Variants in CCDC178 observed in about 807,000 individuals in gnomAD.
CCDC178 encodes the protein coiled-coil domain containing 178.
In CCDC178, 126 loss-of-function variants were observed where a neutral mutation model predicts 117.4. The observed-to-expected ratio is 1.07, with a 90% confidence interval of 0.93 to 1.24. The LOEUF (loss-of-function observed/expected upper bound fraction) is 1.24. Ranked by LOEUF, CCDC178 falls within the 50% of genes most tolerant of loss-of-function variation. The probability of loss-of-function intolerance (pLI) is 0.00; values close to 1 mark genes in which losing one functional copy is unlikely to be tolerated. For missense variants in CCDC178, 1,030 were observed against 986.9 expected (o/e 1.04, Z -0.59); for synonymous variants, 283 against 313.4 (o/e 0.90, Z 1.02).
intron 5 of CCDC178, among the ~76,000 whole-genome samples, chr18:33,384,632 G>T (rs1381490113): frequency 2.0e-5 from 3 of 152,150 alleles, no homozygotes; most frequent in African/African-American, 7.2e-5. Flanking sequence ...AAGTGAAGGA[G>T]AAATAAAATC....
intron 5 of CCDC178, among the ~76,000 whole-genome samples, chr18:33,376,410 G>A (rs2063367265): frequency 6.6e-6 from 1 of 152,050 alleles, no homozygotes; most frequent in African/African-American, 2.4e-5. Context: ...CCTTCCCTCT[G>A]TCCCCAATCT....
chr18:33,067,400 A>C (rs531169728), intron 21 of CCDC178, among the ~76,000 whole-genome samples: 1 of 152,298 alleles, frequency 6.6e-6, no homozygotes, highest in African/African-American at 2.4e-5. Context: ...ATATCGAAAA[A>C]GTAGAAAGAT....
chr18:33,312,394 G>A (rs980343394), intron 11 of CCDC178, among the ~76,000 whole-genome samples: 2 of 152,150 alleles, frequency 1.3e-5, no homozygotes, highest in Admixed American at 6.5e-5. Context: ...AGGGACCTGG[G>A]GGATCTGACA....
intron 21 of CCDC178, among the ~76,000 whole-genome samples, chr18:32,979,031 C>T (rs1366375304): frequency 6.9e-6 from 1 of 145,198 alleles, no homozygotes; most frequent in Non-Finnish European, 1.5e-5. Flanking sequence ...AGTGAGAATC[C>T]GTCTAAAAAA....
chr18:33,244,674 C>T (rs1271052147), intron 15 of CCDC178, among the ~76,000 whole-genome samples: 3 of 151,854 alleles, frequency 2.0e-5, no homozygotes, highest in Non-Finnish European at 4.4e-5. Flanking sequence ...TACTAAGTCT[C>T]AGGTATTTCT....
At chr18:32,974,179 G>T (rs900276741) in intron 22 of CCDC178, among the ~76,000 whole-genome samples, 2 of 152,032 alleles carry the variant, frequency 1.3e-5, no homozygotes, top group Admixed American at 6.6e-5. Flanking sequence ...ACATAAGAGG[G>T]TTATTTTCAC....
intron 15 of CCDC178, among the ~76,000 whole-genome samples, chr18:33,232,686 G>A (rs1416131610): frequency 6.6e-6 from 1 of 152,082 alleles, no homozygotes; most frequent in Non-Finnish European, 1.5e-5. Context: ...CTTTTTGTAC[G>A]AAAGTATATG....
chr18:33,276,056 A>ATAAATAAATAAATAAC (rs2059947087), intron 12 of CCDC178, among the ~76,000 whole-genome samples: 1 of 151,676 alleles, frequency 6.6e-6, no homozygotes, highest in Non-Finnish European at 1.5e-5. Flanking sequence ...AAATAAATAA[A>ATAAATAAATAAATAAC]TGACAATATT....
intron 15 of CCDC178, among the ~76,000 whole-genome samples, chr18:33,228,880 C>T (rs16964456): frequency 0.062 from 9,440 of 152,200 alleles, 468 homozygotes; most frequent in African/African-American, 0.13. Context: ...TGCCAAGAGG[C>T]TACACAGTTT....
At chr18:33,437,842 T>C (rs2064312877) in intron 2 of CCDC178, 1 of 152,154 alleles carries the variant, frequency 6.6e-6, no homozygotes, top group African/African-American at 2.4e-5. Flanking sequence ...TAAGATAATG[T>C]GTACAGAATA....
chr18:32,999,855 T>A (rs1051260879), intron 21 of CCDC178, among the ~76,000 whole-genome samples: 4 of 152,042 alleles, frequency 2.6e-5, no homozygotes, highest in African/African-American at 9.7e-5. Flanking sequence ...TCCATTCAAA[T>A]GCTTGGAAAA....
At chr18:33,216,402 T>C (rs1166222636) in intron 18 of CCDC178, among the ~76,000 whole-genome samples, 1 of 152,086 alleles carries the variant, frequency 6.6e-6, no homozygotes, top group African/African-American at 2.4e-5. Flanking sequence ...AATGAACATT[T>C]GATTGTGCAT....
At chr18:33,281,980 C>T (rs2060031573) in intron 12 of CCDC178, among the ~76,000 whole-genome samples, 1 of 152,188 alleles carries the variant, frequency 6.6e-6, no homozygotes, top group Non-Finnish European at 1.5e-5. Context: ...ATAAGTGGAA[C>T]AGCTCCCATG....
In CCDC178 at chr18:33,335,510, C is replaced by A. The variant is rs376773226; in HGVS notation, c.659-2116G>T. 1.9e-3 allele frequency among the ~76,000 whole-genome samples: 292 copies of A among 152,080 alleles called. 1 individual carries two copies. Among genetic ancestry groups the A allele is most frequent in the African/African-American group, 6.7e-3 (278 of 41,552 alleles). On this transcript the variant is annotated intron_variant, in intron 9 of 22. Transcript: ENST00000383096. ...TAAATATTCATGATGCCCTCTCATT[C>A]TATATGCCATGTTTTAAATATTTTA...
At chr18:33,085,119 A>G (rs1324604784) in intron 21 of CCDC178, among the ~76,000 whole-genome samples, 1 of 152,180 alleles carries the variant, frequency 6.6e-6, no homozygotes, top group Non-Finnish European at 1.5e-5. Flanking sequence ...TATAGAGTAG[A>G]GGATCATGTT....
At chr18:33,022,710 A>T (rs1411136805) in intron 21 of CCDC178, among the ~76,000 whole-genome samples, 2 of 152,188 alleles carry the variant, frequency 1.3e-5, no homozygotes, top group Non-Finnish European at 2.9e-5. Flanking sequence ...CAAACAAAAA[A>T]TAAGATGGCA....
chr18:32,983,302 T>C, intron 21 of CCDC178: 13 of 1,529,822 alleles, frequency 8.5e-6, no homozygotes, highest in Non-Finnish European at 1.1e-5. Context: ...AGAGTTCATC[T>C]GATATAATTG....
chr18:33,089,672 C>T (rs2057433128), intron 21 of CCDC178, among the ~76,000 whole-genome samples: 1 of 152,184 alleles, frequency 6.6e-6, no homozygotes, highest in Non-Finnish European at 1.5e-5. Flanking sequence ...ACTTCAATAT[C>T]TGCGTGCTTG....
chr18:33,405,197 A>C (rs2063763952), intron 3 of CCDC178, among the ~76,000 whole-genome samples: 1 of 151,984 alleles, frequency 6.6e-6, no homozygotes, highest in South Asian at 2.1e-4. Context: ...ATGATAAAGA[A>C]GACTGAGAAC....
Sources: allele counts gnomAD v4.1 joint callset (sites outside exome capture counted in the v4.1 genomes callset), GRCh38; gene constraint gnomAD v4.1.1; transcripts MANE v1.5; gene names NCBI Gene and HGNC (gene_info 2026-07-23, HGNC 2026-07-21).